Variants in SPOCK3 observed in about 807,000 individuals in gnomAD.
SPOCK3 encodes testican-3.
Under a neutral mutation model 56.6 loss-of-function variants are expected in SPOCK3, and 30 were observed. The observed-to-expected ratio is 0.53, with a 90% CI of 0.40 to 0.72. SPOCK3 has a LOEUF of 0.72. Among genes scored for constraint, SPOCK3 ranks in the 30% least tolerant of loss-of-function variants. SPOCK3 has a pLI of 0.00. For missense variants in SPOCK3, 527 were observed against 530.0 expected (o/e 0.99, Z 0.06); for synonymous variants, 196 against 183.3 (o/e 1.07, Z -0.56).
intron 7 of SPOCK3, among the ~76,000 whole-genome samples, chr4:166,765,069 T>A (rs544643389): frequency 2.6e-5 from 4 of 152,154 alleles, no homozygotes; most frequent in Admixed American, 2.6e-4. Context: ...GTTTGAGTTC[T>A]TTGTAGATTC....
chr4:167,028,738 T>A (rs1044269520), intron 3 of SPOCK3, among the ~76,000 whole-genome samples: 1 of 152,032 alleles, frequency 6.6e-6, no homozygotes, highest in South Asian at 2.1e-4. Flanking sequence ...ATTCTAATAC[T>A]ATTCAAAAAG....
chr4:167,106,145 A>C (rs1414932334), intron 2 of SPOCK3, among the ~76,000 whole-genome samples: 2 of 151,974 alleles, frequency 1.3e-5, no homozygotes, highest in Non-Finnish European at 2.9e-5. Context: ...AGGTATATAC[A>C]GAACATTTCA....
chr4:167,027,530 G>C (rs1751808745), intron 3 of SPOCK3, among the ~76,000 whole-genome samples: 2 of 151,822 alleles, frequency 1.3e-5, no homozygotes, highest in Admixed American at 1.3e-4. Context: ...TTAAAACATA[G>C]GGGTGGGGAA....
chr4:167,164,358 A>C (rs1765577335), intron 2 of SPOCK3, among the ~76,000 whole-genome samples: 1 of 152,150 alleles, frequency 6.6e-6, no homozygotes, highest in Non-Finnish European at 1.5e-5. Context: ...GTCAGTATAC[A>C]TGAATTTGAT....
chr4:167,148,296 C>T (rs963279696), intron 2 of SPOCK3, among the ~76,000 whole-genome samples: 2 of 152,066 alleles, frequency 1.3e-5, no homozygotes, highest in African/African-American at 4.8e-5. Flanking sequence ...GCCTCTACTT[C>T]ACAACAAAGA....
At chr4:167,037,182 C>A (rs554503796) in intron 3 of SPOCK3, among the ~76,000 whole-genome samples, 1 of 152,138 alleles carries the variant, frequency 6.6e-6, no homozygotes, top group East Asian at 1.9e-4. Flanking sequence ...ATACACTATG[C>A]AGGTAAAAGA....
chr4:166,986,333 T>C (rs1278921849), intron 4 of SPOCK3, among the ~76,000 whole-genome samples: 1 of 152,128 alleles, frequency 6.6e-6, no homozygotes, highest in Non-Finnish European at 1.5e-5. Context: ...AGATACTTTA[T>C]AAAAAGTCTC....
At position 166,827,611 on chromosome 4, in the gene SPOCK3, T is replaced by C. The variant is rs143436306; in HGVS notation, c.590-35322A>G. Among the ~76,000 whole-genome samples the C allele has an allele frequency of 3.1e-4, 47 of 152,176 alleles. 1 individual carries two copies. The South Asian group carries it at 7.9e-3, about 25-fold the overall frequency. On this transcript the variant is annotated intron_variant, in intron 6 of 10. Transcript: ENST00000357545. The stretch of plus-strand genomic sequence containing the variant: ...GCTCAGGTCAGTATTCAGAGAAAAG[T>C]ACAGCAAAAACAACTATAACAGCAT...
At chr4:166,984,472 G>A (rs1272409659) in intron 4 of SPOCK3, among the ~76,000 whole-genome samples, 1 of 151,966 alleles carries the variant, frequency 6.6e-6, no homozygotes. Context: ...ACTCTTTTAA[G>A]TGCTTTGTAA....
intron 2 of SPOCK3, among the ~76,000 whole-genome samples, chr4:167,224,812 A>C (rs552958313): frequency 4.6e-5 from 7 of 152,158 alleles, no homozygotes; most frequent in African/African-American, 1.7e-4. Context: ...GATTACAGGC[A>C]CGTGCCACCA....
intron 2 of SPOCK3, among the ~76,000 whole-genome samples, chr4:167,148,990 G>A (rs1311865564): frequency 6.6e-6 from 1 of 152,048 alleles, no homozygotes; most frequent in Non-Finnish European, 1.5e-5. Context: ...ATTAATTTGA[G>A]TAATTCTTTT....
At chr4:167,000,549 T>C in intron 3 of SPOCK3, 86 bp from the exon 4 acceptor site, 2 of 645,560 alleles carry the variant, frequency 3.1e-6, no homozygotes, top group East Asian at 2.8e-5. Context: ...GATCAGGTCA[T>C]TTACATAATG....
intron 2 of SPOCK3, among the ~76,000 whole-genome samples, chr4:167,134,758 T>C (rs1418650399): frequency 6.6e-6 from 1 of 152,114 alleles, no homozygotes; most frequent in Non-Finnish European, 1.5e-5. Context: ...AGTCCTTCAG[T>C]TGTTATTATA....
intron 2 of SPOCK3, among the ~76,000 whole-genome samples, chr4:167,225,991 G>A (rs1736559469): frequency 6.6e-6 from 1 of 152,044 alleles, no homozygotes; most frequent in Non-Finnish European, 1.5e-5. Context: ...CTGCATCGGA[G>A]GAAATACACC....
At chr4:167,164,082 A>C (rs1309854283) in intron 2 of SPOCK3, among the ~76,000 whole-genome samples, 2 of 152,136 alleles carry the variant, frequency 1.3e-5, no homozygotes, top group African/African-American at 4.8e-5. Flanking sequence ...TCTTTAAAAT[A>C]CTAAACCCAG....
At chr4:166,911,584 C>T (rs1737277205) in intron 5 of SPOCK3, among the ~76,000 whole-genome samples, 1 of 152,134 alleles carries the variant, frequency 6.6e-6, no homozygotes, top group African/African-American at 2.4e-5. Context: ...ATTGCCCAGG[C>T]TGGAGTACAA....
At position 167,205,376 on chromosome 4, in the gene SPOCK3, A is replaced by AT. The variant is rs1263578432; in HGVS notation, c.189+28608dup. Among the ~76,000 whole-genome samples, 3 of 31,938 alleles carry AT rather than the reference A, an allele frequency of 9.4e-5. 1 individual carries two copies. The highest frequency in any genetic ancestry group is 5.3e-4 in the African/African-American group (3 of 5,698). The allele number at this position is 31,938 out of a possible 152,430, so 21.0% of individuals were successfully genotyped here. ...AATATATATATTATATATTTTATATATATAATATATATATTTTATATATAA... is the reference window on the plus strand; with the variant it reads ...AATATATATATTATATATTTTATATATTATAATATATATATTTTATATATAA... On this transcript the variant is annotated intron_variant, in intron 2 of 10. Transcript: ENST00000357545.
intron 4 of SPOCK3, among the ~76,000 whole-genome samples, chr4:166,963,172 A>T (rs1199457881): frequency 6.6e-6 from 1 of 151,916 alleles, no homozygotes; most frequent in East Asian, 1.9e-4. Context: ...AGACCTCATA[A>T]CTTTCTCCCT....
chr4:167,045,261 A>G (rs1276238172), intron 3 of SPOCK3, among the ~76,000 whole-genome samples: 1 of 151,916 alleles, frequency 6.6e-6, no homozygotes, highest in African/African-American at 2.4e-5. Flanking sequence ...CTATCCATTC[A>G]CTTTTAATCT....
Sources: allele counts gnomAD v4.1 joint callset (sites outside exome capture counted in the v4.1 genomes callset), GRCh38; gene constraint gnomAD v4.1.1; transcripts MANE v1.5; gene names NCBI Gene and HGNC (gene_info 2026-07-23, HGNC 2026-07-21).